The following ANXA8 variants were observed in gnomAD, a reference collection of about 807,000 sequenced individuals.
ANXA8 encodes the protein annexin A8, also known as VAC-beta.
Under a neutral mutation model 26.8 loss-of-function variants are expected in ANXA8, and 9 were observed. The ratio of observed to expected loss-of-function variants is 0.34; its 90% CI spans 0.20 to 0.59. The LOEUF (loss-of-function observed/expected upper bound fraction) is 0.59, where lower values mean the gene tolerates loss of function less well. ANXA8 is among the 20% of genes least tolerant of loss of function. The pLI, the probability that ANXA8 is intolerant of heterozygous loss-of-function variation, is 0.84. For synonymous variants in ANXA8, 39 were observed against 94.8 expected (o/e 0.41, Z 3.42); for missense variants, 83 against 238.5 (o/e 0.35, Z 4.29).
chr10:47,743,431 G>T, the ANXA8 span, among the ~76,000 whole-genome samples: 1 of 88,806 alleles, frequency 1.1e-5, no homozygotes, highest in East Asian at 4.7e-4. Flanking sequence ...AGAGAGAGAA[G>T]TTGCATGGTT....
the ANXA8 span, among the ~76,000 whole-genome samples, chr10:47,597,462 A>G: frequency 1.4e-5 from 2 of 146,488 alleles, no homozygotes; most frequent in Middle Eastern, 3.2e-3. Flanking sequence ...AGAGGAAATT[A>G]AATTTTATTT....
chr10:47,971,180 G>T, the ANXA8 span, among the ~76,000 whole-genome samples: 1 of 150,970 alleles, frequency 6.6e-6, no homozygotes, highest in African/African-American at 2.4e-5. Context: ...CTCAAATACG[G>T]TCTATGGGCT....
chr10:47,655,572 G>T, the ANXA8 span, among the ~76,000 whole-genome samples: 2 of 151,592 alleles, frequency 1.3e-5, no homozygotes, highest in African/African-American at 2.4e-5. Flanking sequence ...ACATGAAGTG[G>T]TTGGTGTTCA....
At chr10:47,918,372 AGAGAGAG>A in the ANXA8 span, among the ~76,000 whole-genome samples, 1 of 20,180 alleles carries the variant, frequency 5.0e-5, no homozygotes, top group African/African-American at 3.4e-4. Flanking sequence ...AGAGAGAGAG[AGAGAGAG>A]AGAGAGAAAG....
the ANXA8 span, among the ~76,000 whole-genome samples, chr10:47,699,344 CAAAA>C: frequency 4.2e-4 from 23 of 54,208 alleles, no homozygotes; most frequent in African/African-American, 1.5e-3. Context: ...ATTCTGTCTC[CAAAA>C]AAAAAAAAAA....
At chr10:47,673,647 C>T in the ANXA8 span, among the ~76,000 whole-genome samples, 432 of 151,890 alleles carry the variant, frequency 2.8e-3, 11 homozygotes, top group Non-Finnish European at 3.8e-3. Flanking sequence ...AGATAGAGTT[C>T]CTACAGCTTT....
At chr10:47,733,149 C>CT in the ANXA8 span, among the ~76,000 whole-genome samples, 7 of 68,242 alleles carry the variant, frequency 1.0e-4, no homozygotes, top group Non-Finnish European at 2.1e-4. Context: ...CCTAATCTTT[C>CT]TTTCTTTCTT....
chr10:47,659,941 G>A, the ANXA8 span, among the ~76,000 whole-genome samples: 1 of 150,156 alleles, frequency 6.7e-6, no homozygotes, highest in South Asian at 2.1e-4. Flanking sequence ...ATTTTTAGTA[G>A]AGACAGAGTT....
At chr10:47,651,480 A>T in the ANXA8 span, among the ~76,000 whole-genome samples, 68 of 151,156 alleles carry the variant, frequency 4.5e-4, no homozygotes, top group African/African-American at 1.6e-3. Context: ...AGGTCATCCC[A>T]AGAGAAATGA....
At chr10:47,944,331 C>A in the ANXA8 span, among the ~76,000 whole-genome samples, 1 of 148,998 alleles carries the variant, frequency 6.7e-6, no homozygotes, top group South Asian at 2.1e-4. Flanking sequence ...TTTGGGTAAA[C>A]ACCGTCAATC....
At chr10:47,587,716 A>C in the ANXA8 span, among the ~76,000 whole-genome samples, 1 of 146,700 alleles carries the variant, frequency 6.8e-6, no homozygotes. Context: ...TTTGTGAGGT[A>C]TTTCATGGCA....
chr10:47,957,514 C>T, the ANXA8 span, among the ~76,000 whole-genome samples: 11 of 150,506 alleles, frequency 7.3e-5, no homozygotes, highest in Non-Finnish European at 1.3e-4. Flanking sequence ...TTCCCGAGAG[C>T]GCTCTGGGAG....
chr10:47,596,763 G>A, the ANXA8 span, among the ~76,000 whole-genome samples: 1 of 147,892 alleles, frequency 6.8e-6, no homozygotes, highest in African/African-American at 2.6e-5. Context: ...ATGAATTACA[G>A]AATGAATTGA....
chr10:47,907,707 G>A, the ANXA8 span, among the ~76,000 whole-genome samples: 5 of 143,888 alleles, frequency 3.5e-5, no homozygotes, highest in African/African-American at 1.0e-4. Context: ...GGCAGAGAGT[G>A]CAGTGAGCTG....
At chr10:47,533,381 C>T in the ANXA8 span, among the ~76,000 whole-genome samples, 1 of 151,662 alleles carries the variant, frequency 6.6e-6, no homozygotes, top group African/African-American at 2.4e-5. Context: ...CCAGTCCAAA[C>T]CACCATCACC....
the ANXA8 span, among the ~76,000 whole-genome samples, chr10:47,558,341 T>C: frequency 1.3e-5 from 2 of 151,872 alleles, no homozygotes; most frequent in Non-Finnish European, 2.9e-5. Context: ...TTAGGCCATG[T>C]GTCTAATGGC....
chr10:47,708,066 C>T, the ANXA8 span, among the ~76,000 whole-genome samples: 7 of 139,190 alleles, frequency 5.0e-5, 1 homozygote, highest in Admixed American at 1.5e-4. Context: ...CAGGATGGTG[C>T]GGTGGCTCAT....
chr10:47,535,367 CTT>C, the ANXA8 span, among the ~76,000 whole-genome samples: 1,608 of 130,430 alleles, frequency 0.012, 42 homozygotes, highest in Middle Eastern at 0.05. Context: ...AGATCTTTCT[CTT>C]GTCTTAGTGC....
At chr10:47,733,264 T>C in the ANXA8 span, among the ~76,000 whole-genome samples, 1 of 111,366 alleles carries the variant, frequency 9.0e-6, no homozygotes, top group Non-Finnish European at 1.8e-5. Context: ...TCTTTCTTTC[T>C]TTCTTTCTTT....
Sources: gnomAD v4.1 joint callset for allele counts (sites outside exome capture counted in the v4.1 genomes callset) on GRCh38, gnomAD v4.1.1 for gene constraint, MANE v1.5 for transcripts, NCBI Gene and HGNC (gene_info 2026-07-23, HGNC 2026-07-21) for gene names.